ADAMTS2: variants seen among roughly 807,000 people sequenced by gnomAD.
ADAMTS2 encodes the protein ADAM metallopeptidase with thrombospondin type 1 motif 2.
In ADAMTS2, 50 loss-of-function variants were observed where a neutral mutation model predicts 123.0. The observed-to-expected ratio is 0.41, with a 90% CI of 0.32 to 0.51. ADAMTS2 has a LOEUF of 0.51. Among genes scored for constraint, ADAMTS2 ranks in the 20% least tolerant of loss-of-function variants. ADAMTS2 has a pLI of 0.35. For missense variants in ADAMTS2, 1,494 were observed against 1,705.2 expected (o/e 0.88, Z 2.18); for synonymous variants, 678 against 695.4 (o/e 0.98, Z 0.39).
chr5:179,117,086 C>G lies in ADAMTS2; in HGVS notation c.3179-2762G>C, dbSNP rs1762670571. ...AATATATGAAACAGATAGACTCAGA[C>G]TGCTGATGATAGTACTGTTTGAAGG... On this transcript the variant is annotated intron_variant, in intron 21 of 21. Transcript: ENST00000251582. The surrounding 1 kb of genome is among the most constrained non-coding windows in gnomAD (Gnocchi z 4.2). Among the ~76,000 whole-genome samples the G allele has an allele frequency of 6.6e-6, 1 of 152,190 alleles. No homozygotes were observed. Among genetic ancestry groups the G allele is most frequent in the African/African-American group, 2.4e-5 (1 of 41,444 alleles).
At chr5:179,116,093 G>A (rs1295362811) in intron 21 of ADAMTS2, among the ~76,000 whole-genome samples, 1 of 152,024 alleles carries the variant, frequency 6.6e-6, no homozygotes, top group Non-Finnish European at 1.5e-5. Context: ...CCCCGTCCTA[G>A]ACACTCTCAG....
At chr5:179,336,717 G>A (rs1375593247) in intron 2 of ADAMTS2, among the ~76,000 whole-genome samples, 1 of 152,198 alleles carries the variant, frequency 6.6e-6, no homozygotes, top group Admixed American at 6.5e-5. Context: ...CCACTGAAGT[G>A]CGTGCGGACA....
chr5:179,279,694 A>G (rs1461406803), intron 2 of ADAMTS2, among the ~76,000 whole-genome samples: 1 of 152,230 alleles, frequency 6.6e-6, no homozygotes, highest in East Asian at 1.9e-4. Context: ...GAACAGTCCC[A>G]GGAGTGGGAA....
chr5:179,198,775 A>G (rs1764489885), intron 4 of ADAMTS2, among the ~76,000 whole-genome samples: 1 of 151,516 alleles, frequency 6.6e-6, no homozygotes, highest in Non-Finnish European at 1.5e-5. Context: ...TGGCGGTTGC[A>G]GTGAGCCGAG....
rs1762947335 is a variant in ADAMTS2 at position 179,130,768 on chromosome 5, G to A, written c.2291-670C>T. On this transcript the variant is annotated intron_variant, in intron 15 of 21. Coordinates refer to ENST00000251582, the MANE Select transcript of ADAMTS2 (RefSeq NM_014244.5). The surrounding 1 kb of genome is among the most constrained non-coding windows in gnomAD (Gnocchi z 4.3). ...GTGGGGCCGCAGACAGGGCACTAGTGAGAAAATCATTCCCTGTCACGTCCC... is the reference window on the plus strand; with the variant it reads ...GTGGGGCCGCAGACAGGGCACTAGTAAGAAAATCATTCCCTGTCACGTCCC... Among the ~76,000 whole-genome samples, 1 of 152,126 alleles carries A rather than the reference G, an allele frequency of 6.6e-6. No individual in the cohort carries two copies. The highest frequency in any genetic ancestry group is 6.5e-5 in the Admixed American group (1 of 15,270).
intron 2 of ADAMTS2, among the ~76,000 whole-genome samples, chr5:179,309,439 G>A (rs1405155318): frequency 2.6e-5 from 4 of 152,160 alleles, no homozygotes; most frequent in Admixed American, 2.6e-4. Flanking sequence ...CAGCTTCCTA[G>A]CCCGGCCCCC....
intron 3 of ADAMTS2, among the ~76,000 whole-genome samples, chr5:179,235,068 A>G (rs1765493602): frequency 6.6e-6 from 1 of 152,092 alleles, no homozygotes; most frequent in African/African-American, 2.4e-5. Context: ...GCAGACTCCT[A>G]TTCAGTCTTC....
intron 10 of ADAMTS2, among the ~76,000 whole-genome samples, chr5:179,146,250 T>A (rs1763247849): frequency 6.6e-6 from 1 of 152,204 alleles, no homozygotes; most frequent in African/African-American, 2.4e-5. Context: ...GCAGATGGAG[T>A]TGGCCAGCAC....
Position 179,125,147 on chromosome 5 carries a change from C to T in ADAMTS2, c.2784G>A (p.Gln928=). The T allele has an allele frequency of 6.2e-7, 1 of 1,612,920 alleles. No individual in the cohort carries two copies. Among genetic ancestry groups the T allele is most frequent in the Non-Finnish European group, 8.5e-7 (1 of 1,179,926 alleles). ...WVTGEWEPCS[Q]TCGRTGMQVR... is the part of the protein sequence containing the mutation. The stretch of plus-strand genomic sequence containing the variant: ...CCTGCATGCCTGTCCGCCCACAGGT[C>T]TGGCTACATGGCTCCCATTCGCCTG... Residue 928 remains glutamine (Q), a synonymous_variant, in exon 19 of 22, where the codon CAG becomes CAA. Transcript: ENST00000251582.
intron 3 of ADAMTS2, among the ~76,000 whole-genome samples, chr5:179,251,248 G>A (rs962581262): frequency 6.6e-6 from 1 of 152,254 alleles, no homozygotes; most frequent in Non-Finnish European, 1.5e-5. Context: ...ACACGGTACT[G>A]GAAGCAGAGC....
chr5:179,325,209 T>C lies in ADAMTS2; in HGVS notation c.534+18558A>G, dbSNP rs1350869680. 2.0e-5 allele frequency among the ~76,000 whole-genome samples: 3 copies of C among 151,984 alleles called. No homozygotes were observed. In the East Asian group the frequency reaches 5.8e-4, roughly 29 times the overall value. Reference sequence around the variant, plus strand: ...TGAACGGGAAGGTGGACATGGTGGGTAGAGCAAGCAGGAAATGATGATGGT... The same window carrying C: ...TGAACGGGAAGGTGGACATGGTGGGCAGAGCAAGCAGGAAATGATGATGGT... On this transcript the variant is annotated intron_variant, in intron 2 of 21. Transcript: ENST00000251582.
Position 179,242,869 on chromosome 5 carries a change from A to G in ADAMTS2, c.688+30042T>C, listed in dbSNP as rs338876. 0.62 allele frequency among the ~76,000 whole-genome samples: 94,161 copies of G among 152,084 alleles called. 30,390 individuals carry two copies. The highest frequency in any genetic ancestry group is 0.71 in the African/African-American group (29,287 of 41,484). ...GTAACTCCCTGCTGAGTGTGACCGA[A>G]AGGCCGGAGCACCTTCCTCCACCCA... On this transcript the variant is annotated intron_variant, in intron 3 of 21. Coordinates refer to ENST00000251582, the MANE Select transcript of ADAMTS2 (RefSeq NM_014244.5). The surrounding 1 kb of genome is among the most constrained non-coding windows in gnomAD (Gnocchi z 4.2).
chr5:179,140,974 A>C (rs559355648), intron 10 of ADAMTS2, among the ~76,000 whole-genome samples: 3 of 143,114 alleles, frequency 2.1e-5, no homozygotes, highest in Non-Finnish European at 3.1e-5. Flanking sequence ...TAATTTTTGC[A>C]TTTTTTTTTT....
intron 3 of ADAMTS2, among the ~76,000 whole-genome samples, chr5:179,237,354 A>G (rs1038587526): frequency 6.6e-6 from 1 of 152,250 alleles, no homozygotes; most frequent in Non-Finnish European, 1.5e-5. Context: ...ACAAAGTGCA[A>G]GAAGGTGCCA....
In ADAMTS2 at chr5:179,128,110, C is replaced by T. The variant is rs377085746; in HGVS notation, c.2466G>A (p.Pro822=). 5.6e-6 allele frequency: 9 copies of T among 1,613,372 alleles called. No homozygotes were observed. Among genetic ancestry groups the T allele is most frequent in the African/African-American group, 1.3e-5 (1 of 74,916 alleles). Residue 822 remains proline, a synonymous_variant, in exon 17 of 22, where the codon CCG becomes CCA. Transcript: ENST00000251582. The surrounding 1 kb of genome is among the most constrained non-coding windows in gnomAD (Gnocchi z 4.9). ...LHGTITVLVI[P]VGDTRVSLTY... ...TCAGTGAGACCCGGGTGTCTCCCAC[C>T]GGGATGACCTGTGCCAGCCCAAGAG...
At chr5:179,341,162 T>C (rs574983683) in intron 2 of ADAMTS2, among the ~76,000 whole-genome samples, 60 of 152,152 alleles carry the variant, frequency 3.9e-4, no homozygotes, top group African/African-American at 1.4e-3. Flanking sequence ...CAAAGAAGCC[T>C]ATCGTGGTGG....
chr5:179,130,662 G>C lies in ADAMTS2; in HGVS notation c.2291-564C>G, dbSNP rs1451581775. ...TGGGTGACACTCAGGTCATCTAGGA[G>C]CAGAGGACCTGGCTAGCCAGGAAGC... On this transcript the variant is annotated intron_variant, in intron 15 of 21. Transcript: ENST00000251582. The surrounding 1 kb of genome is among the most constrained non-coding windows in gnomAD (Gnocchi z 4.3). 2.6e-5 allele frequency among the ~76,000 whole-genome samples: 4 copies of C among 152,184 alleles called. No individual in the cohort carries two copies. The highest frequency in any genetic ancestry group is 9.7e-5 in the African/African-American group (4 of 41,436).
At chr5:179,342,602 G>T (rs759865184) in intron 2 of ADAMTS2, among the ~76,000 whole-genome samples, 1 of 152,258 alleles carries the variant, frequency 6.6e-6, no homozygotes, top group Non-Finnish European at 1.5e-5. Context: ...GAGTACGGGC[G>T]TGCTCAGGGG....
chr5:179,272,819 G>T lies in ADAMTS2; in HGVS notation c.688+92C>A. On this transcript the variant is annotated intron_variant, in intron 3 of 21. Transcript: ENST00000251582. The surrounding 1 kb of genome is among the most constrained non-coding windows in gnomAD (Gnocchi z 5.8). ...TCAGCCTCAGCAGCCAAGCTGGTCTGTGGAGAGCTGCCTGAGTCTCTGGGA... is the reference window on the plus strand; with the variant it reads ...TCAGCCTCAGCAGCCAAGCTGGTCTTTGGAGAGCTGCCTGAGTCTCTGGGA... The T allele has an allele frequency of 6.7e-7, 1 of 1,500,540 alleles. No individual in the cohort carries two copies. The highest frequency in any genetic ancestry group is 9.0e-7 in the Non-Finnish European group (1 of 1,114,962). 93.0% of individuals were successfully genotyped at this position (1,500,540 alleles called of 1,614,324 possible).
Sources: gnomAD v4.1 joint callset for allele counts (sites outside exome capture counted in the v4.1 genomes callset) on GRCh38, gnomAD v4.1.1 for gene constraint, Gnocchi (gnomAD v3.1) non-coding constraint, MANE v1.5 for transcripts, NCBI Gene and HGNC (gene_info 2026-07-23, HGNC 2026-07-21) for gene names.